PEX16: variants seen among roughly 807,000 people sequenced by gnomAD.
PEX16 encodes the protein peroxisomal biogenesis factor 16.
A neutral mutation model predicts 50.5 loss-of-function variants in PEX16; 37 were observed. The ratio of observed to expected loss-of-function variants is 0.73; its 90% CI spans 0.56 to 0.96. The LOEUF (loss-of-function observed/expected upper bound fraction) is 0.96. PEX16 is among the 40% of genes least tolerant of loss of function. PEX16 has a pLI of 0.00. For missense variants in PEX16, 401 were observed against 438.3 expected, an observed-to-expected ratio of 0.91 and a Z score of 0.76; for synonymous variants, 185 against 190.3, an observed-to-expected ratio of 0.97 and a Z score of 0.23.
At chr11:45,914,768 AGGAGCTAAGG>A in intron 5 of PEX16, 84 bp from the exon 6 acceptor site, 1 of 1,133,210 alleles carries the variant, frequency 8.8e-7, no homozygotes, top group South Asian at 1.2e-5. Flanking sequence ...GTGAATGCTC[AGGAGCTAAGG>A]GGAGAACAGA....
chr11:45,917,586 A>G lies in PEX16; in HGVS notation c.113-93T>C, dbSNP rs961585547. 4.6e-6 allele frequency: 7 copies of G among 1,530,408 alleles called. No homozygotes were observed. The African/African-American group carries it at 9.6e-5, about 21-fold the overall frequency. The allele number at this position is 1,530,408 out of a possible 1,614,324, so 94.8% of individuals were successfully genotyped here. ...AATCCCCTCCCTACGCCCTTTGGGA[A>G]CCTGGACGGGTCTTCTCAAGCACAG... On this transcript the variant is annotated intron_variant, in intron 1 of 10. Transcript: ENST00000378750.
Position 45,910,128 on chromosome 11 carries a change from CTG to C in PEX16, c.*124_*125del. On this transcript the variant is annotated 3_prime_UTR_variant, in exon 11 of 11. Coordinates refer to ENST00000378750, the MANE Select transcript of PEX16 (RefSeq NM_004813.4). The stretch of plus-strand genomic sequence containing the variant: ...GGAGGAACGCTGGTGGCGACCAGGG[CTG>C]TGTGTGGGGCCTGGCCGGTAGGCAC... 1 of 1,611,832 alleles carries C rather than the reference CTG, an allele frequency of 6.2e-7. No individual in the cohort carries two copies. Among genetic ancestry groups the C allele is most frequent in the Non-Finnish European group, 8.5e-7 (1 of 1,179,936 alleles).
rs374895823 is a variant in PEX16, at chr11:45,916,250, C to T, written c.202G>A (p.Glu68Lys). ...VLLNDGILRK[E>K]LRKKLPVSLS... ...ACCACAGGCAACTTTTTCCGAAGCT[C>T]CTTCCGTAGGATCCCGTCATTGAGC... Residue 68 changes from glutamate (E) to lysine (K), a missense_variant, in exon 3 of 11, where the codon GAG becomes AAG. Transcript: ENST00000378750. 58 of 1,613,886 alleles carry T rather than the reference C, an allele frequency of 3.6e-5. No homozygotes were observed. Among genetic ancestry groups the T allele is most frequent in the Non-Finnish European group, 4.5e-5 (53 of 1,179,984 alleles).
chr11:45,916,952 G>T, intron 2 of PEX16: 1 of 455,368 alleles, frequency 2.2e-6, no homozygotes, highest in Admixed American at 2.4e-5. Context: ...TTACAAGTGT[G>T]AGCCACTGCA....
rs1402148997 is a variant in PEX16, at chr11:45,913,939, C to A, written c.768-1G>T. On this transcript the variant is annotated splice_acceptor_variant, in intron 8 of 10. Transcript: ENST00000378750. LOFTEE classifies it high-confidence loss of function. ...CTTTCTGTCACTCAGGAGGCTCAGG[C>A]TGGGAGGCAGGGAGGACATGGTCAG... 1 of 1,612,356 alleles carries A rather than the reference C, an allele frequency of 6.2e-7. No homozygotes were observed. The highest frequency in any genetic ancestry group is 8.5e-7 in the Non-Finnish European group (1 of 1,179,964).
chr11:45,914,349 CTGCGA>C lies in PEX16; in HGVS notation c.656_660del (p.Ile219ArgfsTer42). ...AGCGGCCGGGCAATGTACAAAAACT[CTGCGA>C]TGGTCTCCTGCAGCCCCAGGGGGGT... is the stretch of plus-strand genomic sequence containing the variant. On this transcript the variant is annotated frameshift_variant, in exon 7 of 11. Coordinates refer to ENST00000378750, the MANE Select transcript of PEX16 (RefSeq NM_004813.4). LOFTEE classifies it high-confidence loss of function. 6.2e-7 allele frequency: 1 copy of C among 1,612,196 alleles called. No individual in the cohort carries two copies. The highest frequency in any genetic ancestry group is 2.2e-5 in the East Asian group (1 of 44,884).
chr11:45,915,346 C>A, intron 5 of PEX16, 122 bp downstream of exon 5: 1 of 724,686 alleles, frequency 1.4e-6, no homozygotes, highest in Non-Finnish European at 2.5e-6. Flanking sequence ...AATGAGAACA[C>A]ATAGTTGATA....
intron 2 of PEX16, among the ~76,000 whole-genome samples, chr11:45,916,655 G>C (rs772962131): frequency 2.0e-5 from 3 of 152,162 alleles, no homozygotes; most frequent in Non-Finnish European, 2.9e-5. Context: ...CTGTTCCTGA[G>C]GGTCTATTCC....
Position 45,914,283 on chromosome 11 carries a change from T to C in PEX16, c.694+33A>G, listed in dbSNP as rs142611968. The C allele has an allele frequency of 1.1e-4, 177 of 1,613,662 alleles. No individual in the cohort carries two copies. The East Asian group carries it at 3.6e-3, about 33-fold the overall frequency. Reference sequence around the variant, plus strand: ...TCCCCACTCAATCCCCAGCCCACAGTGCCAGCCCTATCCTGCCCCGCGCTA... The same window carrying C: ...TCCCCACTCAATCCCCAGCCCACAGCGCCAGCCCTATCCTGCCCCGCGCTA... On this transcript the variant is annotated intron_variant, in intron 7 of 10. Coordinates refer to ENST00000378750, the MANE Select transcript of PEX16 (RefSeq NM_004813.4).
upstream of PEX16, chr11:45,918,810 A>G (rs2086869127): frequency 6.6e-6 from 1 of 152,114 alleles, no homozygotes. Flanking sequence ...GCACCGGGAG[A>G]TCTGCGGCGA....
At chr11:45,915,863 A>T (rs771367074) in intron 3 of PEX16, 27 bp from the exon 4 acceptor site, 14 of 1,611,806 alleles carry the variant, frequency 8.7e-6, no homozygotes, top group African/African-American at 1.3e-5. Context: ...CCAAGAAGTC[A>T]GGGGGCCTGG....
Position 45,909,907 on chromosome 11 carries a change from G to A in PEX16, c.*347C>T, listed in dbSNP as rs2086757198. 1 of 630,454 alleles carries A rather than the reference G, an allele frequency of 1.6e-6. No individual in the cohort carries two copies. Among genetic ancestry groups the A allele is most frequent in the East Asian group, 2.7e-5 (1 of 36,416 alleles). The allele number at this position is 630,454 out of a possible 1,614,324, so 39.1% of individuals were successfully genotyped here. A position where few individuals can be genotyped will look rare whatever the true frequency, so the allele number is the denominator to read the frequency against. ...TTCAGGCTTCCTGTCCTCACCAGGGGCCAGCGAGAGAGCAGCAGTGTTCGC... is the reference window on the plus strand; with the variant it reads ...TTCAGGCTTCCTGTCCTCACCAGGGACCAGCGAGAGAGCAGCAGTGTTCGC... On this transcript the variant is annotated 3_prime_UTR_variant, in exon 11 of 11. Transcript: ENST00000378750.
At position 45,910,264 on chromosome 11, in the gene PEX16, C is replaced by G. The variant is rs2086762416; in HGVS notation, c.1001G>C (p.Ser334Thr). ...LPTWQKIYFY[S>T]WG is the part of the protein sequence containing the mutation. ...CTTCCGGGAGGTCTGTCAGCCCCAA[C>G]TGTAGAAGTAGATTTTCTGCCAGGT... is the stretch of plus-strand genomic sequence containing the variant. Residue 334 changes from serine to threonine, a missense_variant, in exon 11 of 11, where the codon AGT (serine) becomes ACT (threonine). Coordinates refer to ENST00000378750, the MANE Select transcript of PEX16 (RefSeq NM_004813.4). The G allele has an allele frequency of 6.2e-7, 1 of 1,613,606 alleles. No homozygotes were observed. Among genetic ancestry groups the G allele is most frequent in the Non-Finnish European group, 8.5e-7 (1 of 1,179,778 alleles).
In PEX16 at chr11:45,917,426, C is replaced by T. The variant is rs776894534; in HGVS notation, c.148+32G>A. 8 of 1,609,548 alleles carry T rather than the reference C, an allele frequency of 5.0e-6. No homozygotes were observed. In the East Asian group the frequency reaches 1.8e-4, roughly 36 times the overall value. ...ACTCACCAGGGGCCAGGCAGCCGAT[C>T]CCCCATCCCCCACCCCCAGAGCCCG... On this transcript the variant is annotated intron_variant, in intron 2 of 10. Coordinates refer to ENST00000378750, the MANE Select transcript of PEX16 (RefSeq NM_004813.4).
At chr11:45,918,353 GTC>G (rs1371579420), upstream of PEX16, 1 of 185,432 alleles carries the variant, frequency 5.4e-6, no homozygotes, top group African/African-American at 2.4e-5. Context: ...GTTGCACTGT[GTC>G]TCAGCAGGCG....
chr11:45,914,518 G>A (rs773483384), intron 6 of PEX16, 50 bp from the exon 7 acceptor site: 2 of 1,611,290 alleles, frequency 1.2e-6, no homozygotes, highest in East Asian at 4.5e-5. Context: ...GCTGGGGCAG[G>A]GGAAGGTGGC....
In PEX16 at chr11:45,917,722, C is replaced by T. The variant is rs1140797; in HGVS notation, c.90G>A (p.Arg30=). 2.6e-6 allele frequency: 4 copies of T among 1,560,652 alleles called. No individual in the cohort carries two copies. In the East Asian group the frequency reaches 9.5e-5, roughly 37 times the overall value. Residue 30 remains arginine, a synonymous_variant, in exon 1 of 11, where the codon CGG becomes CGA. Coordinates refer to ENST00000378750, the MANE Select transcript of PEX16 (RefSeq NM_004813.4). The part of the protein sequence containing the change: ...AATAQLETAV[R]GFSYLLAGRF... Reference sequence around the variant, plus strand: ...CACCTGCCAGCAGGTAACTGAAGCCCCGCACTGCTGTCTCCAGCTGGGCCG... The same window carrying T: ...CACCTGCCAGCAGGTAACTGAAGCCTCGCACTGCTGTCTCCAGCTGGGCCG...
At chr11:45,911,266 G>A (rs2086775871) in intron 9 of PEX16, among the ~76,000 whole-genome samples, 1 of 152,204 alleles carries the variant, frequency 6.6e-6, no homozygotes, top group South Asian at 2.1e-4. Flanking sequence ...GGTCGCATGT[G>A]GAGCAGCGCC....
Position 45,916,266 on chromosome 11 carries a change from G to T in PEX16, c.186C>A (p.Asp62Glu), listed in dbSNP as rs757594159. 1 of 1,613,968 alleles carries T rather than the reference G, an allele frequency of 6.2e-7. No homozygotes were observed. The change falls in exon 3 of 11, where the codon GAC becomes GAA. Residue 62 changes from aspartate (D) to glutamate (E), a missense_variant. Asp to Glu is a conservative substitution (Grantham distance 45, BLOSUM62 2). Transcript: ENST00000378750. ...TCCGAAGCTCCTTCCGTAGGATCCC[G>T]TCATTGAGCAGCACAAGCAGGTTAG... ...SASNLLVLLN[D>E]GILRKELRKK...
Sources: gnomAD v4.1 joint callset for allele counts (sites outside exome capture counted in the v4.1 genomes callset) on GRCh38, gnomAD v4.1.1 for gene constraint, MANE v1.5 for transcripts, NCBI Gene and HGNC (gene_info 2026-07-23, HGNC 2026-07-21) for gene names.